Variants in AFDN observed in about 807,000 individuals in gnomAD.
AFDN encodes afadin.
AFDN carries 68 observed loss-of-function variants against 216.6 expected under a neutral mutation model. The observed-to-expected ratio is 0.31, with a 90% CI of 0.26 to 0.38. The LOEUF (loss-of-function observed/expected upper bound fraction) is 0.38, where lower values mean the gene tolerates loss of function less well. AFDN is among the 10% of genes least tolerant of loss of function. The pLI, the probability that AFDN is intolerant of heterozygous loss-of-function variation, is 1.00. For missense variants in AFDN, 2,136 were observed against 2,342.0 expected (o/e 0.91, Z 1.82); for synonymous variants, 868 against 853.7 (o/e 1.02, Z -0.29).
chr6:167,962,295 T>G lies in AFDN; in HGVS notation c.4834-138T>G. 1.6e-6 allele frequency: 2 copies of G among 1,246,408 alleles called. No homozygotes were observed. The highest frequency in any genetic ancestry group is 1.5e-5 in the African/African-American group (1 of 66,780). 77.2% of individuals were successfully genotyped at this position (1,246,408 alleles called of 1,614,324 possible). A position where few individuals can be genotyped will look rare whatever the true frequency, so the allele number is the denominator to read the frequency against. On this transcript the variant is annotated intron_variant, in intron 30 of 33. Coordinates refer to ENST00000683244, the MANE Select transcript of AFDN (RefSeq NM_001386888.1). This position sits in a 1 kb window ranked among gnomAD's most constrained non-coding sequence, Gnocchi z 5.2. ...AAAAAGTTTTATTTTCCAACAGTGA[T>G]TTTAACCTGGTATTTTATATTTAAC...
chr6:167,834,996 A>G (rs1273618542), intron 1 of AFDN, among the ~76,000 whole-genome samples: 1 of 152,142 alleles, frequency 6.6e-6, no homozygotes, highest in African/African-American at 2.4e-5. Flanking sequence ...CAAAAAAGAA[A>G]AACATTTGTC....
intron 6 of AFDN, among the ~76,000 whole-genome samples, chr6:167,880,815 C>T (rs138636081): frequency 6.6e-6 from 1 of 152,136 alleles, no homozygotes; most frequent in African/African-American, 2.4e-5. Flanking sequence ...CTTTTCTGTT[C>T]CATTGATACA....
chr6:167,841,149 A>G (rs1414953912), intron 1 of AFDN, among the ~76,000 whole-genome samples: 1 of 152,214 alleles, frequency 6.6e-6, no homozygotes, highest in Non-Finnish European at 1.5e-5. Flanking sequence ...TTGCTTGGCT[A>G]CTTTGGGTAG....
chr6:167,918,616 G>A, intron 20 of AFDN, 119 bp from the exon 21 acceptor site: 2 of 866,680 alleles, frequency 2.3e-6, no homozygotes, highest in Middle Eastern at 3.3e-4. Context: ...GTCTGTGTGT[G>A]TGTGTGTGTC....
chr6:167,883,788 C>CTGA (rs1786442775), intron 6 of AFDN, among the ~76,000 whole-genome samples: 1 of 152,188 alleles, frequency 6.6e-6, no homozygotes, highest in Non-Finnish European at 1.5e-5. Context: ...CACTGACTGA[C>CTGA]CAGGGTGGTG....
At chr6:167,862,493 A>G (rs1783704190) in intron 1 of AFDN, among the ~76,000 whole-genome samples, 2 of 151,918 alleles carry the variant, frequency 1.3e-5, no homozygotes, top group South Asian at 4.1e-4. Flanking sequence ...CTCCTGCCTC[A>G]GCCTCCTGAG....
At chr6:167,959,635 C>T (rs1449298570) in intron 30 of AFDN, among the ~76,000 whole-genome samples, 1 of 152,088 alleles carries the variant, frequency 6.6e-6, no homozygotes, top group Non-Finnish European at 1.5e-5. Context: ...ATTATGACCC[C>T]ATTTTATGTT....
intron 1 of AFDN, among the ~76,000 whole-genome samples, chr6:167,849,271 C>T (rs1412498656): frequency 6.6e-6 from 1 of 151,916 alleles, no homozygotes; most frequent in East Asian, 1.9e-4. Context: ...TTTTCTTTCC[C>T]TTGATTTTAT....
chr6:167,913,254 A>C, intron 15 of AFDN, 149 bp from the exon 16 acceptor site: 1 of 785,804 alleles, frequency 1.3e-6, no homozygotes, highest in South Asian at 1.7e-5. Context: ...ACCATAAATG[A>C]AAATGTTATT....
At chr6:167,846,952 C>T (rs1781764953) in intron 1 of AFDN, among the ~76,000 whole-genome samples, 1 of 148,788 alleles carries the variant, frequency 6.7e-6, no homozygotes, top group African/African-American at 2.4e-5. Context: ...TGATGCAAAC[C>T]TGTCATCTGT....
Position 167,965,918 on chromosome 6 carries a change from C to T in AFDN, c.5130C>T (p.Ala1710=). ...EPPSPSPAPG[A]PPPPPQRNAS... ...CGTCCCCGTCCCCCGCGCCCGGCGC[C>T]CCTCCTCCCCCGCCTCAGCGAAACG... The change falls in exon 32 of 34, where the codon GCC becomes GCT. Residue 1710 remains alanine (A), a synonymous_variant. Transcript: ENST00000683244. 6.5e-7 allele frequency: 1 copy of T among 1,550,210 alleles called. No homozygotes were observed. Among genetic ancestry groups the T allele is most frequent in the Non-Finnish European group, 8.7e-7 (1 of 1,146,760 alleles).
chr6:167,959,471 C>A (rs188980428), intron 30 of AFDN, among the ~76,000 whole-genome samples: 2 of 152,160 alleles, frequency 1.3e-5, no homozygotes, highest in Non-Finnish European at 2.9e-5. Flanking sequence ...AATAAATGAT[C>A]AGGTGTTTTC....
intron 1 of AFDN, among the ~76,000 whole-genome samples, chr6:167,835,741 A>G (rs1447021172): frequency 1.3e-5 from 2 of 152,230 alleles, no homozygotes. Context: ...ACAAAATGAG[A>G]AAGGCTAATA....
chr6:167,921,245 G>A (rs1000055332), intron 21 of AFDN, among the ~76,000 whole-genome samples: 1 of 152,216 alleles, frequency 6.6e-6, no homozygotes, highest in Non-Finnish European at 1.5e-5. Context: ...GAAATAGTGA[G>A]CTCTTGACTT....
At chr6:167,935,211 G>T (rs1388980199) in intron 23 of AFDN, among the ~76,000 whole-genome samples, 1 of 152,064 alleles carries the variant, frequency 6.6e-6, no homozygotes, top group Non-Finnish European at 1.5e-5. Flanking sequence ...GGAAAGAAAG[G>T]CAGTTTCAAG....
chr6:167,914,745 A>T lies in AFDN; in HGVS notation c.2299+7A>T. The T allele has an allele frequency of 6.3e-7, 1 of 1,579,930 alleles. No individual in the cohort carries two copies. The highest frequency in any genetic ancestry group is 2.2e-5 in the East Asian group (1 of 44,696). ...CTGCAACGACCAAAAATAGGTTAGG[A>T]TGTTTTCTGACTGTCTCCCTCTATC... On this transcript the variant is annotated splice_region_variant and intron_variant, in intron 18 of 33. Transcript: ENST00000683244.
intron 4 of AFDN, among the ~76,000 whole-genome samples, chr6:167,875,013 G>GT (rs960743228): frequency 1.3e-5 from 2 of 152,126 alleles, no homozygotes; most frequent in African/African-American, 4.8e-5. Context: ...ATATTGGTCT[G>GT]TTTTAGGGTA....
rs146710048 is a variant in AFDN, at chr6:167,868,803, C to A, written c.302-1583C>A. Among the ~76,000 whole-genome samples the A allele has an allele frequency of 2.1e-3, 307 of 143,992 alleles. 3 individuals are homozygous for A. The highest frequency in any genetic ancestry group is 7.5e-3 in the African/African-American group (292 of 38,848). The allele number at this position is 143,992 out of a possible 152,430, so 94.5% of individuals were successfully genotyped here. A position where few individuals can be genotyped will look rare whatever the true frequency, so the allele number is the denominator to read the frequency against. Reference sequence around the variant, plus strand: ...TTTGAGACAGGGTCTCACTTTGTCACCCAGAGTGGAGTGCAGTGGTGCCGT... The same window carrying A: ...TTTGAGACAGGGTCTCACTTTGTCAACCAGAGTGGAGTGCAGTGGTGCCGT... On this transcript the variant is annotated intron_variant, in intron 2 of 33. Transcript: ENST00000683244.
chr6:167,858,561 G>A (rs529871686), intron 1 of AFDN, among the ~76,000 whole-genome samples: 1 of 152,288 alleles, frequency 6.6e-6, no homozygotes, highest in East Asian at 1.9e-4. Flanking sequence ...TGGTGAATAA[G>A]CATTAAGATG....
Sources: gnomAD v4.1 joint callset for allele counts (sites outside exome capture counted in the v4.1 genomes callset) on GRCh38, gnomAD v4.1.1 for gene constraint, Gnocchi (gnomAD v3.1) non-coding constraint, MANE v1.5 for transcripts, NCBI Gene and HGNC (gene_info 2026-07-23, HGNC 2026-07-21) for gene names.